CELA2A: variants seen among roughly 807,000 people sequenced by gnomAD.
The protein encoded by CELA2A is chymotrypsin like elastase 2A.
CELA2A carries 31 observed loss-of-function variants against 35.3 expected under a neutral mutation model. That is an observed-to-expected ratio of 0.88 (90% confidence interval 0.66 to 1.19). CELA2A has a LOEUF of 1.19. Ranked by LOEUF, CELA2A falls within the 50% of genes most tolerant of loss-of-function variation. The pLI, the probability that CELA2A is intolerant of heterozygous loss-of-function variation, is 0.00. For synonymous variants in CELA2A, 150 were observed against 149.8 expected (o/e 1.00, Z -0.01); for missense variants, 330 against 352.9 (o/e 0.94, Z 0.52).
At chr1:15,456,886 C>T (rs2303196) in intron 1 of CELA2A, 93 bp downstream of exon 1, 164,212 of 1,508,938 alleles carry the variant, frequency 0.11, 9,785 homozygotes, top group Middle Eastern at 0.2. Context: ...CCCACCCAAC[C>T]CCTACTGCAT....
chr1:15,467,130 G>T (rs922654053), intron 6 of CELA2A, among the ~76,000 whole-genome samples: 2 of 152,176 alleles, frequency 1.3e-5, no homozygotes, highest in Non-Finnish European at 2.9e-5. Flanking sequence ...GGGATGCTAC[G>T]AATATTTACC....
At chr1:15,466,267 C>T in intron 6 of CELA2A, 123 bp downstream of exon 6, 1 of 1,224,530 alleles carries the variant, frequency 8.2e-7, no homozygotes, top group Non-Finnish European at 1.1e-6. Flanking sequence ...GAAACATGTT[C>T]CAGATATATC....
At chr1:15,456,855 T>C in intron 1 of CELA2A, 62 bp downstream of exon 1, 3 of 1,608,712 alleles carry the variant, frequency 1.9e-6, no homozygotes, top group South Asian at 1.1e-5. Flanking sequence ...AAATGGGATC[T>C]TCCTGTCCTC....
chr1:15,461,650 C>T lies in CELA2A; in HGVS notation c.219C>T (p.His73=), dbSNP rs772715037. The change falls in exon 3 of 8, where the codon CAC becomes CAT. Residue 73 remains histidine (H), a synonymous_variant. Coordinates refer to ENST00000359621, the MANE Select transcript of CELA2A (RefSeq NM_033440.3). ...ACAGCTGGGTCCTGACGGCTGCCCACTGCATCAGGTAACTGCCTTTCCCTG... is the reference window on the plus strand; with the variant it reads ...ACAGCTGGGTCCTGACGGCTGCCCATTGCATCAGGTAACTGCCTTTCCCTG... ...IANSWVLTAA[H]CISSSRTYRV... is the part of the protein sequence containing the mutation. The T allele has an allele frequency of 1.2e-6, 2 of 1,613,866 alleles. No homozygotes were observed. The highest frequency in any genetic ancestry group is 1.7e-6 in the Non-Finnish European group (2 of 1,180,060).
rs775226134 is a variant in CELA2A at position 15,461,587 on chromosome 1, C to T, written c.156C>T (p.Gly52=). ...WQVSLQYSSN[G]KWYHTCGGSL... ...TCTCCCTGCAGTACAGCTCCAATGGCAAGTGGTACCACACCTGCGGAGGGT... is the reference window on the plus strand; with the variant it reads ...TCTCCCTGCAGTACAGCTCCAATGGTAAGTGGTACCACACCTGCGGAGGGT... The change falls in exon 3 of 8, where the codon GGC becomes GGT. Residue 52 remains glycine, a synonymous_variant. Transcript: ENST00000359621. 1.7e-5 allele frequency: 28 copies of T among 1,612,304 alleles called. No individual in the cohort carries two copies. Among genetic ancestry groups the T allele is most frequent in the Middle Eastern group, 4.3e-4 (2 of 4,662 alleles).
At chr1:15,456,918 C>T (rs1708368354) in intron 1 of CELA2A, 125 bp downstream of exon 1, 37 of 1,363,548 alleles carry the variant, frequency 2.7e-5, no homozygotes, top group Non-Finnish European at 3.6e-5. Flanking sequence ...ATCATAAGAA[C>T]ATTGGAATGG....
intron 1 of CELA2A, 126 bp downstream of exon 1, chr1:15,456,919 A>G (rs1708368376): frequency 7.4e-7 from 1 of 1,353,632 alleles, no homozygotes; most frequent in Admixed American, 2.0e-5. Context: ...TCATAAGAAC[A>G]TTGGAATGGA....
At chr1:15,457,969 C>T (rs138557907) in intron 2 of CELA2A, among the ~76,000 whole-genome samples, 1 of 152,292 alleles carries the variant, frequency 6.6e-6, no homozygotes, top group East Asian at 1.9e-4. Flanking sequence ...GTGTAAATTA[C>T]TCAGACGTGT....
chr1:15,465,514 A>G (rs1438453040), intron 5 of CELA2A, among the ~76,000 whole-genome samples: 1 of 152,150 alleles, frequency 6.6e-6, no homozygotes, highest in African/African-American at 2.4e-5. Flanking sequence ...TATTTCAGAT[A>G]AGTGACAGAA....
intron 6 of CELA2A, 23 bp from the exon 7 acceptor site, chr1:15,467,363 C>A (rs1379533964): frequency 6.2e-7 from 1 of 1,610,564 alleles, no homozygotes; most frequent in East Asian, 2.2e-5. Context: ...CCTTTACCTG[C>A]CTATAACTCT....
chr1:15,468,614 C>A (rs962194651), intron 7 of CELA2A, among the ~76,000 whole-genome samples: 2 of 152,022 alleles, frequency 1.3e-5, no homozygotes, highest in African/African-American at 4.8e-5. Context: ...CAAGAGCATC[C>A]TGGGCAACAT....
chr1:15,467,444 G>T lies in CELA2A; in HGVS notation c.698G>T (p.Gly233Val). ...TCTGACGGCCGGTGGCAGGTGCACG[G>T]CATCGTCAGCTTCGGGTCTCGCCTC... is the stretch of plus-strand genomic sequence containing the variant. The part of the protein sequence containing the change: ...QASDGRWQVH[G>V]IVSFGSRLGC... Residue 233 changes from glycine (G) to valine (V), a missense_variant, in exon 7 of 8, where the codon GGC (glycine) becomes GTC (valine). By Grantham distance (109) the Gly-to-Val change is moderately radical. Transcript: ENST00000359621. 6.2e-7 allele frequency: 1 copy of T among 1,613,992 alleles called. No homozygotes were observed. The highest frequency in any genetic ancestry group is 8.5e-7 in the Non-Finnish European group (1 of 1,180,024).
At chr1:15,459,055 A>G (rs1708397898) in intron 2 of CELA2A, among the ~76,000 whole-genome samples, 1 of 150,676 alleles carries the variant, frequency 6.6e-6, no homozygotes, top group South Asian at 2.1e-4. Flanking sequence ...CAGTGGCACA[A>G]TCATAGCTCA....
intron 5 of CELA2A, among the ~76,000 whole-genome samples, chr1:15,464,982 T>G (rs937567991): frequency 2.6e-5 from 4 of 151,396 alleles, no homozygotes; most frequent in Non-Finnish European, 4.4e-5. Flanking sequence ...TTAGTGGTCT[T>G]AAGCCAGACA....
At chr1:15,456,957 G>A in intron 1 of CELA2A, 129 bp from the exon 2 acceptor site, 1 of 1,276,940 alleles carries the variant, frequency 7.8e-7, no homozygotes. Context: ...CAAAGAGCAG[G>A]ATTCTATGAC....
intron 4 of CELA2A, 49 bp downstream of exon 4, chr1:15,462,910 A>G: frequency 1.2e-6 from 2 of 1,612,984 alleles, no homozygotes; most frequent in Admixed American, 1.7e-5. Flanking sequence ...CAGGGAACAG[A>G]TGGGGGTCTC....
Position 15,462,860 on chromosome 1 carries a change from G to A in CELA2A, c.355G>A (p.Gly119Arg). 6.2e-7 allele frequency: 1 copy of A among 1,614,120 alleles called. No individual in the cohort carries two copies. Among genetic ancestry groups the A allele is most frequent in the African/African-American group, 1.3e-5 (1 of 75,050 alleles). Reference protein sequence around the residue: ...KDWNSNQISKGNDIALLKLAN... With the variant: ...KDWNSNQISKRNDIALLKLAN... ...CTGGAACTCCAACCAAATCTCCAAA[G>A]GGTTCGTTTCTGTCTGGGTGCACTT... The change falls in exon 4 of 8, where the codon GGG becomes AGG. Residue 119 changes from glycine to arginine, a missense_variant and splice_region_variant. By Grantham distance (125) the Gly-to-Arg change is moderately radical. Transcript: ENST00000359621.
intron 2 of CELA2A, among the ~76,000 whole-genome samples, chr1:15,457,895 A>T (rs1043197616): frequency 3.3e-5 from 5 of 152,178 alleles, no homozygotes; most frequent in African/African-American, 1.2e-4. Context: ...CCAATGAAAA[A>T]AATGTTTTCT....
chr1:15,460,823 C>T (rs944203251), intron 2 of CELA2A, among the ~76,000 whole-genome samples: 4 of 151,670 alleles, frequency 2.6e-5, no homozygotes, highest in Middle Eastern at 3.4e-3. Flanking sequence ...AGGCATGCAC[C>T]GCCGCACCCA....
Sources: allele counts gnomAD v4.1 joint callset (sites outside exome capture counted in the v4.1 genomes callset), GRCh38; gene constraint gnomAD v4.1.1; transcripts MANE v1.5; gene names NCBI Gene and HGNC (gene_info 2026-07-23, HGNC 2026-07-21).